PLCH1: variants seen among roughly 807,000 people sequenced by gnomAD.
PLCH1 encodes the protein phospholipase C eta 1, also known as 1-phosphatidylinositol 4,5-bisphosphate phosphodiesterase eta-1.
A neutral mutation model predicts 126.7 loss-of-function variants in PLCH1; 60 were observed. The observed-to-expected ratio is 0.47, with a 90% CI of 0.38 to 0.59. The LOEUF is 0.59. Ranked by LOEUF, PLCH1 falls within the 20% of genes least tolerant of loss-of-function variation. The pLI, the probability that PLCH1 is intolerant of heterozygous loss-of-function variation, is 0.00. For synonymous variants in PLCH1, 719 were observed against 734.9 expected (o/e 0.98, Z 0.35); for missense variants, 1,723 against 2,040.0 (o/e 0.84, Z 2.99).
intron 10 of PLCH1, among the ~76,000 whole-genome samples, chr3:155,530,257 C>T (rs919218213): frequency 6.6e-6 from 1 of 151,980 alleles, no homozygotes; most frequent in Non-Finnish European, 1.5e-5. Flanking sequence ...ACTTGCTTTG[C>T]TTATTCATAT....
intron 11 of PLCH1, among the ~76,000 whole-genome samples, chr3:155,516,615 G>C (rs981226112): frequency 6.6e-6 from 1 of 152,050 alleles, no homozygotes; most frequent in Admixed American, 6.6e-5. Context: ...ATCTGGCAGC[G>C]TATGCCAAAA....
intron 8 of PLCH1, among the ~76,000 whole-genome samples, chr3:155,562,364 T>G (rs1245335661): frequency 2.0e-5 from 3 of 152,216 alleles, no homozygotes; most frequent in Non-Finnish European, 4.4e-5. Context: ...TATTTGAGTC[T>G]TCTAGTCTCT....
intron 2 of PLCH1, among the ~76,000 whole-genome samples, chr3:155,622,372 G>C (rs1455833072): frequency 6.6e-6 from 1 of 152,124 alleles, no homozygotes; most frequent in Non-Finnish European, 1.5e-5. Flanking sequence ...AAAATAAACA[G>C]CTAGCATTAT....
chr3:155,480,587 TAATC>T lies in PLCH1; in HGVS notation c.*377_*380del, dbSNP rs561447785. ...TCCCTTTGTCGTTTGCAAAGTCTCT[TAATC>T]AACTCAACAGTTAGAGAGTAAAAAT... On this transcript the variant is annotated 3_prime_UTR_variant, in exon 23 of 23. Coordinates refer to ENST00000460012, the MANE Select transcript of PLCH1 (RefSeq NM_014996.4). 697 of 168,330 alleles carry T rather than the reference TAATC, an allele frequency of 4.1e-3. 6 individuals carry two copies. Among genetic ancestry groups the T allele is most frequent in the African/African-American group, 0.015 (647 of 42,042 alleles). The allele number at this position is 168,330 out of a possible 1,614,324, so 10.4% of individuals were successfully genotyped here.
intron 5 of PLCH1, among the ~76,000 whole-genome samples, chr3:155,585,749 T>C (rs1204815633): frequency 6.6e-6 from 1 of 152,186 alleles, no homozygotes; most frequent in Non-Finnish European, 1.5e-5. Flanking sequence ...ATTCTGATCC[T>C]CACAAGAGCC....
intron 12 of PLCH1, among the ~76,000 whole-genome samples, chr3:155,509,530 G>A (rs570244723): frequency 4.1e-4 from 3 of 7,286 alleles, no homozygotes; most frequent in East Asian, 3.8e-3. Flanking sequence ...CTTTGAATGC[G>A]TCCCAGAGAT....
At chr3:155,496,957 G>T (rs748411835) in intron 15 of PLCH1, among the ~76,000 whole-genome samples, 1 of 152,132 alleles carries the variant, frequency 6.6e-6, no homozygotes, top group Non-Finnish European at 1.5e-5. Flanking sequence ...TCTTCTTTTG[G>T]TCATTCGCAT....
intron 14 of PLCH1, among the ~76,000 whole-genome samples, chr3:155,500,408 C>A (rs1717720576): frequency 6.6e-6 from 1 of 152,158 alleles, no homozygotes; most frequent in Admixed American, 6.5e-5. Flanking sequence ...CTTCTTTAGT[C>A]TCTTGTGACG....
At chr3:155,546,014 C>T (rs1725217215) in intron 10 of PLCH1, among the ~76,000 whole-genome samples, 1 of 151,940 alleles carries the variant, frequency 6.6e-6, no homozygotes, top group South Asian at 2.1e-4. Flanking sequence ...TCCTATTCAA[C>T]ATAGTGTTGG....
intron 12 of PLCH1, 118 bp downstream of exon 12, chr3:155,514,605 A>C: frequency 1.6e-6 from 1 of 643,244 alleles, no homozygotes; most frequent in Non-Finnish European, 2.4e-6. Flanking sequence ...TCATTTCTCA[A>C]GCAAAATGAG....
At chr3:155,584,005 A>T (rs1284042183) in intron 5 of PLCH1, among the ~76,000 whole-genome samples, 1 of 152,050 alleles carries the variant, frequency 6.6e-6, no homozygotes. Flanking sequence ...AAAACTTATA[A>T]AATAACATTA....
chr3:155,730,986 C>A lies in PLCH1; in HGVS notation c.-41+13854G>T, dbSNP rs1232181759. ...CAGACTCCAGACCGGTAACCATGGA[C>A]TGAGCCTCCAGGCCTACCCTGGCAC... On this transcript the variant is annotated intron_variant, in intron 1 of 22. Coordinates refer to ENST00000460012, the MANE Select transcript of PLCH1 (RefSeq NM_014996.4). 1.3e-5 allele frequency among the ~76,000 whole-genome samples: 2 copies of A among 152,240 alleles called. 1 individual carries two copies. The highest frequency in any genetic ancestry group is 4.1e-4 in the South Asian group (2 of 4,834).
intron 8 of PLCH1, among the ~76,000 whole-genome samples, chr3:155,560,971 T>G (rs752057814): frequency 2.6e-4 from 40 of 152,148 alleles, no homozygotes; most frequent in Non-Finnish European, 4.7e-4. Flanking sequence ...TCACAGAAGA[T>G]TTAGATATAA....
intron 21 of PLCH1, among the ~76,000 whole-genome samples, chr3:155,463,331 T>C (rs1376499417): frequency 6.6e-6 from 1 of 152,178 alleles, no homozygotes; most frequent in African/African-American, 2.4e-5. Flanking sequence ...ACAAAACCAA[T>C]ATATTTTATC....
rs182239288 is a variant in PLCH1, at chr3:155,655,163, T to C, written c.79+48983A>G. Among the ~76,000 whole-genome samples the C allele has an allele frequency of 1.4e-3, 217 of 152,250 alleles. 1 individual carries two copies. Among genetic ancestry groups the C allele is most frequent in the Non-Finnish European group, 2.3e-3 (154 of 67,988 alleles). ...ACCTAAAATATTCCCCAGCTAGGTG[T>C]GGTGGCTCATGCCTGTAATCTCAGC... On this transcript the variant is annotated intron_variant, in intron 2 of 22. Transcript: ENST00000460012.
chr3:155,503,603 T>A (rs1324654588), intron 13 of PLCH1, among the ~76,000 whole-genome samples: 1 of 150,558 alleles, frequency 6.6e-6, no homozygotes, highest in Admixed American at 6.6e-5. Flanking sequence ...AGTGGTGCAA[T>A]CTCGCCTCAC....
intron 21 of PLCH1, among the ~76,000 whole-genome samples, chr3:155,455,115 C>A (rs1257842124): frequency 6.6e-6 from 1 of 151,884 alleles, no homozygotes; most frequent in East Asian, 1.9e-4. Flanking sequence ...TAATTAATAC[C>A]CATAAATAGG....
intron 2 of PLCH1, among the ~76,000 whole-genome samples, chr3:155,679,775 T>C (rs1744366909): frequency 1.3e-5 from 2 of 152,156 alleles, no homozygotes; most frequent in Non-Finnish European, 2.9e-5. Context: ...TCTTCCCTAA[T>C]CTTCATGAAA....
intron 2 of PLCH1, among the ~76,000 whole-genome samples, chr3:155,668,081 T>A (rs1191907253): frequency 2.0e-5 from 2 of 101,112 alleles, no homozygotes; most frequent in African/African-American, 8.4e-5. Context: ...CAAGACTCCA[T>A]CTCAAAAAAA....
Sources: allele counts gnomAD v4.1 joint callset (sites outside exome capture counted in the v4.1 genomes callset), GRCh38; gene constraint gnomAD v4.1.1; transcripts MANE v1.5; gene names NCBI Gene and HGNC (gene_info 2026-07-23, HGNC 2026-07-21).